EPHA4: variants seen among roughly 807,000 people sequenced by gnomAD.
EPHA4 encodes EPH receptor A4.
In EPHA4, 19 loss-of-function variants were observed where a neutral mutation model predicts 108.3. The observed-to-expected ratio is 0.18, with a 90% CI of 0.12 to 0.26. The LOEUF (loss-of-function observed/expected upper bound fraction) is 0.26, where lower values mean the gene tolerates loss of function less well. Among genes scored for constraint, EPHA4 ranks in the 10% least tolerant of loss-of-function variants. The pLI is 1.00. For synonymous variants in EPHA4, 449 were observed against 455.5 expected (o/e 0.99, Z 0.18); for missense variants, 917 against 1,254.0 (o/e 0.73, Z 4.06).
At chr2:221,521,873 A>G (rs1693174963) in intron 3 of EPHA4, among the ~76,000 whole-genome samples, 2 of 152,194 alleles carry the variant, frequency 1.3e-5, no homozygotes, top group Admixed American at 1.3e-4. Context: ...GCTACTCGGG[A>G]GGCTGAGGCA....
chr2:221,465,775 A>T (rs1012943804), intron 5 of EPHA4, among the ~76,000 whole-genome samples: 2 of 152,302 alleles, frequency 1.3e-5, no homozygotes, highest in Non-Finnish European at 2.9e-5. Context: ...ATCACCACCA[A>T]CTGGATGCGA....
chr2:221,421,540 AATC>A (rs1388881573), intron 17 of EPHA4, among the ~76,000 whole-genome samples: 1 of 152,180 alleles, frequency 6.6e-6, no homozygotes, highest in Non-Finnish European at 1.5e-5. Flanking sequence ...ATCAAGAACT[AATC>A]AGCCGCAGGC....
intron 8 of EPHA4, among the ~76,000 whole-genome samples, chr2:221,454,883 A>G (rs1690894848): frequency 1.3e-5 from 2 of 152,200 alleles, no homozygotes; most frequent in South Asian, 4.1e-4. Flanking sequence ...CATTTCCAAG[A>G]CAATGCCATG....
chr2:221,450,273 G>A (rs929154228), intron 8 of EPHA4, among the ~76,000 whole-genome samples: 1 of 152,196 alleles, frequency 6.6e-6, no homozygotes, highest in Non-Finnish European at 1.5e-5. Context: ...ACCAGGTGTG[G>A]TAGCACAGGC....
At position 221,428,879 on chromosome 2, in the gene EPHA4, A is replaced by G. The variant is rs1232016217; in HGVS notation, c.2690+1079T>C. Among the ~76,000 whole-genome samples the G allele has an allele frequency of 2.0e-5, 3 of 152,292 alleles. No individual in the cohort carries two copies. In the East Asian group the frequency reaches 5.8e-4, roughly 29 times the overall value. On this transcript the variant is annotated intron_variant, in intron 15 of 17. Transcript: ENST00000281821. Reference sequence around the variant, plus strand: ...CTGGTGGAGAATATAGGGTATCTCTACTATCTATTCCACAGTTCTCTTTTT... The same window carrying G: ...CTGGTGGAGAATATAGGGTATCTCTGCTATCTATTCCACAGTTCTCTTTTT...
intron 3 of EPHA4, among the ~76,000 whole-genome samples, chr2:221,514,981 A>G (rs567879745): frequency 6.6e-6 from 1 of 152,306 alleles, no homozygotes; most frequent in South Asian, 2.1e-4. Flanking sequence ...TCAGATGTAC[A>G]AAAAAATCTT....
intron 8 of EPHA4, 22 bp downstream of exon 8, chr2:221,455,525 A>C (rs772815017): frequency 7.1e-6 from 11 of 1,559,062 alleles, no homozygotes; most frequent in African/African-American, 1.4e-5. Flanking sequence ...GGGGCTGCAC[A>C]GTGAGTGGCT....
At chr2:221,426,283 A>C (rs1689907377) in intron 16 of EPHA4, 141 bp from the exon 17 acceptor site, 1 of 1,028,676 alleles carries the variant, frequency 9.7e-7, no homozygotes, top group Non-Finnish European at 1.4e-6. Flanking sequence ...ATGTTTCATT[A>C]AGCAATTTAA....
chr2:221,528,070 A>G (rs1230729242), intron 3 of EPHA4, among the ~76,000 whole-genome samples: 1 of 150,086 alleles, frequency 6.7e-6, no homozygotes, highest in Non-Finnish European at 1.5e-5. Flanking sequence ...CACAGCAGAC[A>G]AACCTTATCT....
At chr2:221,435,461 T>C (rs1460925591) in intron 13 of EPHA4, among the ~76,000 whole-genome samples, 1 of 152,010 alleles carries the variant, frequency 6.6e-6, no homozygotes, top group East Asian at 1.9e-4. Context: ...AGAAATAGAA[T>C]ACTATACCCC....
intron 5 of EPHA4, among the ~76,000 whole-genome samples, chr2:221,460,669 C>T (rs896608885): frequency 2.0e-5 from 3 of 152,190 alleles, no homozygotes; most frequent in Non-Finnish European, 4.4e-5. Context: ...CATCATAAGC[C>T]ACATATGGGC....
chr2:221,540,699 G>A (rs1287103673), intron 3 of EPHA4, among the ~76,000 whole-genome samples: 1 of 152,170 alleles, frequency 6.6e-6, no homozygotes, highest in Non-Finnish European at 1.5e-5. Flanking sequence ...GGTAACAGCT[G>A]AAGCTTCTTT....
intron 15 of EPHA4, among the ~76,000 whole-genome samples, chr2:221,429,208 G>A (rs1689999869): frequency 6.6e-6 from 1 of 152,302 alleles, no homozygotes; most frequent in East Asian, 1.9e-4. Flanking sequence ...CTACTGATAT[G>A]TAGGTATCCT....
intron 3 of EPHA4, among the ~76,000 whole-genome samples, chr2:221,559,552 A>T (rs550632923): frequency 6.6e-6 from 1 of 152,264 alleles, no homozygotes; most frequent in African/African-American, 2.4e-5. Flanking sequence ...TTATGTTAAA[A>T]AACAAATAAT....
chr2:221,452,714 T>TG (rs1690825870), intron 8 of EPHA4, among the ~76,000 whole-genome samples: 1 of 151,186 alleles, frequency 6.6e-6, no homozygotes, highest in Non-Finnish European at 1.5e-5. Context: ...AAGTGACATT[T>TG]TTTTTTTAAT....
intron 4 of EPHA4, among the ~76,000 whole-genome samples, chr2:221,500,502 A>C (rs1692456488): frequency 6.6e-6 from 1 of 152,208 alleles, no homozygotes; most frequent in Non-Finnish European, 1.5e-5. Flanking sequence ...GCATTTATTA[A>C]ATGCAATCAT....
intron 3 of EPHA4, among the ~76,000 whole-genome samples, chr2:221,556,558 C>A (rs560669398): frequency 6.6e-6 from 1 of 151,786 alleles, no homozygotes; most frequent in African/African-American, 2.4e-5. Context: ...GCCTCAGCCT[C>A]CCAAAGTGCT....
At chr2:221,555,077 C>A (rs1406782599) in intron 3 of EPHA4, among the ~76,000 whole-genome samples, 2 of 152,166 alleles carry the variant, frequency 1.3e-5, no homozygotes, top group Admixed American at 1.3e-4. Context: ...GGCTGGGTTC[C>A]TTTTCCAAAG....
intron 16 of EPHA4, 148 bp downstream of exon 16, chr2:221,426,316 A>T: frequency 9.5e-7 from 1 of 1,057,810 alleles, no homozygotes; most frequent in Non-Finnish European, 1.3e-6. Flanking sequence ...GATACTTTAT[A>T]GAGGCTGTGT....
Sources: allele counts gnomAD v4.1 joint callset (sites outside exome capture counted in the v4.1 genomes callset), GRCh38; gene constraint gnomAD v4.1.1; transcripts MANE v1.5; gene names NCBI Gene and HGNC (gene_info 2026-07-23, HGNC 2026-07-21).